ARHGAP15: variants seen among roughly 807,000 people sequenced by gnomAD.
ARHGAP15 encodes the protein rho GTPase-activating protein 15.
Under a neutral mutation model 63.7 loss-of-function variants are expected in ARHGAP15, and 51 were observed. The observed-to-expected ratio is 0.80, with a 90% CI of 0.64 to 1.01. The LOEUF is 1.01. ARHGAP15 is among the 50% of genes least tolerant of loss of function. The pLI is 0.00. For missense variants in ARHGAP15, 560 were observed against 564.6 expected (o/e 0.99, Z 0.08); for synonymous variants, 191 against 193.8 (o/e 0.99, Z 0.12).
At chr2:143,512,708 T>C (rs1320067818) in intron 9 of ARHGAP15, among the ~76,000 whole-genome samples, 1 of 152,238 alleles carries the variant, frequency 6.6e-6, no homozygotes, top group Non-Finnish European at 1.5e-5. Flanking sequence ...GGGGATCTCA[T>C]GGTATTTATG....
intron 10 of ARHGAP15, among the ~76,000 whole-genome samples, chr2:143,550,294 TACTC>T (rs1695497743): frequency 1.3e-5 from 2 of 152,130 alleles, no homozygotes; most frequent in South Asian, 2.1e-4. Flanking sequence ...CTGAAATAAA[TACTC>T]AAGTCAACAA....
chr2:143,461,262 A>G (rs1242504478), intron 8 of ARHGAP15, among the ~76,000 whole-genome samples: 1 of 141,816 alleles, frequency 7.1e-6, no homozygotes. Context: ...CCTGGGCTAC[A>G]GAATGAGACT....
chr2:143,659,021 CACTG>C (rs1681604091), intron 12 of ARHGAP15, among the ~76,000 whole-genome samples: 1 of 152,188 alleles, frequency 6.6e-6, no homozygotes, highest in Non-Finnish European at 1.5e-5. Flanking sequence ...CTGCCCAACT[CACTG>C]ACTACCTATC....
intron 13 of ARHGAP15, among the ~76,000 whole-genome samples, chr2:143,762,752 T>C (rs1686805323): frequency 6.6e-6 from 1 of 152,168 alleles, no homozygotes; most frequent in South Asian, 2.1e-4. Context: ...CTTTTATGCA[T>C]TGTGAATATC....
chr2:143,645,955 GGTTT>G (rs960630722), intron 12 of ARHGAP15, among the ~76,000 whole-genome samples: 2 of 152,056 alleles, frequency 1.3e-5, no homozygotes, highest in Non-Finnish European at 2.9e-5. Context: ...CACATGAAGT[GGTTT>G]GTCCAGAGCC....
intron 13 of ARHGAP15, among the ~76,000 whole-genome samples, chr2:143,751,676 A>C (rs1408176008): frequency 6.6e-6 from 1 of 152,022 alleles, no homozygotes; most frequent in African/African-American, 2.4e-5. Context: ...TGGCTGCCCT[A>C]ATGTAATGTC....
Position 143,219,524 on chromosome 2 carries a change from G to A in ARHGAP15, c.296+3079G>A, listed in dbSNP as rs562517964. Among the ~76,000 whole-genome samples the A allele has an allele frequency of 2.0e-5, 3 of 152,218 alleles. No homozygotes were observed. The East Asian group carries it at 5.8e-4, about 29-fold the overall frequency. Reference sequence around the variant, plus strand: ...ATTCCAAACAACATTTCAATAAATCGCACATATATGTTTCCTTTGAACCTG... The same window carrying A: ...ATTCCAAACAACATTTCAATAAATCACACATATATGTTTCCTTTGAACCTG... On this transcript the variant is annotated intron_variant, in intron 4 of 13. Coordinates refer to ENST00000295095, the MANE Select transcript of ARHGAP15 (RefSeq NM_018460.4).
chr2:143,753,012 G>A (rs1277687230), intron 13 of ARHGAP15, among the ~76,000 whole-genome samples: 1 of 152,124 alleles, frequency 6.6e-6, no homozygotes, highest in African/African-American at 2.4e-5. Context: ...GGGCATGGTG[G>A]CACACACCTG....
intron 6 of ARHGAP15, 137 bp downstream of exon 6, chr2:143,250,737 C>T: frequency 3.1e-6 from 2 of 652,042 alleles, no homozygotes; most frequent in Non-Finnish European, 2.6e-6. Flanking sequence ...AAAGGCGACT[C>T]CTCTTCCCAG....
At chr2:143,511,110 G>A (rs776246825) in intron 9 of ARHGAP15, among the ~76,000 whole-genome samples, 26 of 152,184 alleles carry the variant, frequency 1.7e-4, no homozygotes, top group Non-Finnish European at 3.7e-4. Context: ...TAATCTGGAA[G>A]ACTTAACCTG....
intron 12 of ARHGAP15, among the ~76,000 whole-genome samples, chr2:143,665,043 G>A (rs1450392964): frequency 6.6e-6 from 1 of 151,994 alleles, no homozygotes; most frequent in Non-Finnish European, 1.5e-5. Flanking sequence ...TAGAAAAAGA[G>A]AGAATCCTCC....
At chr2:143,569,539 TG>T (rs1288047104) in intron 11 of ARHGAP15, among the ~76,000 whole-genome samples, 2 of 152,062 alleles carry the variant, frequency 1.3e-5, no homozygotes, top group Non-Finnish European at 2.9e-5. Context: ...AAACTGGTTC[TG>T]GGGAATGAGG....
chr2:143,581,404 C>T (rs1416213455), intron 11 of ARHGAP15, among the ~76,000 whole-genome samples: 2 of 152,094 alleles, frequency 1.3e-5, no homozygotes, highest in East Asian at 3.9e-4. Context: ...CACAGCCCCA[C>T]ACCCACCTAC....
At chr2:143,578,590 G>T (rs894522696) in intron 11 of ARHGAP15, among the ~76,000 whole-genome samples, 13 of 152,088 alleles carry the variant, frequency 8.5e-5, no homozygotes, top group African/African-American at 2.9e-4. Context: ...TAGTTTTTTG[G>T]TTGATAATTT....
intron 6 of ARHGAP15, among the ~76,000 whole-genome samples, chr2:143,363,814 T>C (rs764602609): frequency 6.6e-6 from 1 of 152,194 alleles, no homozygotes; most frequent in Non-Finnish European, 1.5e-5. Context: ...GACTTGCCTG[T>C]CTTCTTCACT....
chr2:143,329,984 C>T (rs150194081), intron 6 of ARHGAP15, among the ~76,000 whole-genome samples: 2,221 of 144,746 alleles, frequency 0.015, 69 homozygotes, highest in African/African-American at 0.053. Context: ...CCCAGCTACT[C>T]AGGAGCCTGA....
intron 11 of ARHGAP15, chr2:143,607,717 A>T (rs1698094046): frequency 6.6e-6 from 1 of 152,170 alleles, no homozygotes; most frequent in Admixed American, 6.6e-5. Context: ...TTATGCCTGG[A>T]GGATGCCACA....
chr2:143,492,111 A>G (rs1226882135), intron 9 of ARHGAP15, among the ~76,000 whole-genome samples: 3 of 152,062 alleles, frequency 2.0e-5, no homozygotes, highest in African/African-American at 7.2e-5. Context: ...TGAACTCCTG[A>G]GCTAAGGCGA....
Position 143,454,923 on chromosome 2 carries a change from T to G in ARHGAP15, c.703+17881T>G, listed in dbSNP as rs184790616. Reference sequence around the variant, plus strand: ...TAGGGGAGTTGCTTTGTGCATGCACTGTTTTAAGCACTGGAGTTAAAGAGA... The same window carrying G: ...TAGGGGAGTTGCTTTGTGCATGCACGGTTTTAAGCACTGGAGTTAAAGAGA... On this transcript the variant is annotated intron_variant, in intron 8 of 13. Coordinates refer to ENST00000295095, the MANE Select transcript of ARHGAP15 (RefSeq NM_018460.4). Among the ~76,000 whole-genome samples the G allele has an allele frequency of 1.9e-3, 293 of 152,140 alleles. 2 individuals are homozygous for G. Among genetic ancestry groups the G allele is most frequent in the African/African-American group, 6.3e-3 (260 of 41,532 alleles).
Sources: allele counts gnomAD v4.1 joint callset (sites outside exome capture counted in the v4.1 genomes callset), GRCh38; gene constraint gnomAD v4.1.1; transcripts MANE v1.5; gene names NCBI Gene and HGNC (gene_info 2026-07-23, HGNC 2026-07-21).